USP13: variants seen among roughly 807,000 people sequenced by gnomAD.
USP13 encodes the protein ubiquitin specific peptidase 13, also known as ubiquitin carboxyl-terminal hydrolase 13.
In USP13, 68 loss-of-function variants were observed where a neutral mutation model predicts 107.8. The observed-to-expected ratio is 0.63, with a 90% CI of 0.52 to 0.77. The LOEUF is 0.77. Ranked by LOEUF, USP13 falls within the 30% of genes least tolerant of loss-of-function variation. USP13 has a pLI of 0.00. For missense variants in USP13, 945 were observed against 1,093.3 expected (o/e 0.86, Z 1.91); for synonymous variants, 377 against 389.5 (o/e 0.97, Z 0.38).
chr3:179,767,229 T>C (rs1715202098), intron 19 of USP13, among the ~76,000 whole-genome samples: 1 of 152,198 alleles, frequency 6.6e-6, no homozygotes, highest in African/African-American at 2.4e-5. Context: ...GTGCCATCTT[T>C]AATCCTCACA....
chr3:179,755,520 G>A (rs765724272), intron 15 of USP13, among the ~76,000 whole-genome samples: 1 of 152,080 alleles, frequency 6.6e-6, no homozygotes, highest in Non-Finnish European at 1.5e-5. Context: ...GGATGGTCTC[G>A]ATCTCCTGAC....
At chr3:179,713,193 T>G (rs1712990195) in intron 6 of USP13, among the ~76,000 whole-genome samples, 1 of 152,236 alleles carries the variant, frequency 6.6e-6, no homozygotes, top group African/African-American at 2.4e-5. Flanking sequence ...GCAACAGCAA[T>G]GCAGATCGTA....
At position 179,767,707 on chromosome 3, in the gene USP13, A is replaced by T. The variant is rs370222190; in HGVS notation, c.2413+1859A>T. 1.1e-4 allele frequency among the ~76,000 whole-genome samples: 17 copies of T among 152,318 alleles called. No individual in the cohort carries two copies. In the East Asian group the frequency reaches 3.3e-3, roughly 29 times the overall value. ...CCAGGGCAGAGGCCATTTGGCTTTT[A>T]TAAAACTCATGGTGTCTAGCATGGT... On this transcript the variant is annotated intron_variant, in intron 19 of 20. Coordinates refer to ENST00000263966, the MANE Select transcript of USP13 (RefSeq NM_003940.3).
At chr3:179,657,968 A>G (rs755019537) in intron 1 of USP13, among the ~76,000 whole-genome samples, 1 of 151,948 alleles carries the variant, frequency 6.6e-6, no homozygotes, top group African/African-American at 2.4e-5. Context: ...CCTCATTTCT[A>G]TGAGTGTACT....
At chr3:179,772,706 C>G (rs948187083) in intron 19 of USP13, among the ~76,000 whole-genome samples, 1 of 152,208 alleles carries the variant, frequency 6.6e-6, no homozygotes. Flanking sequence ...GGCAGCCACT[C>G]TTGAGTAAAC....
chr3:179,701,196 G>A (rs113745652), intron 4 of USP13, 67 bp downstream of exon 4: 17 of 612,458 alleles, frequency 2.8e-5, no homozygotes, highest in African/African-American at 2.3e-4. Context: ...GTGCGTGTGC[G>A]ATGTGTGTGT....
At chr3:179,663,507 T>C (rs1218773228) in intron 1 of USP13, among the ~76,000 whole-genome samples, 3 of 152,314 alleles carry the variant, frequency 2.0e-5, no homozygotes, top group Non-Finnish European at 4.4e-5. Context: ...TATATCCTCC[T>C]CTCTCCCTTG....
rs184715483 is a variant in USP13 at position 179,779,607 on chromosome 3, C to G, written c.2414-2132C>G. ...GCGCCCTCACACGTTCATGGGCAAC[C>G]TGGCACTAAACCGTTGGTAGATGAC... On this transcript the variant is annotated intron_variant, in intron 19 of 20. Transcript: ENST00000263966. 1.1e-3 allele frequency among the ~76,000 whole-genome samples: 163 copies of G among 151,926 alleles called. 1 individual carries two copies. Among genetic ancestry groups the G allele is most frequent in the African/African-American group, 3.7e-3 (155 of 41,438 alleles).
At chr3:179,680,430 G>A (rs1202441801) in intron 1 of USP13, among the ~76,000 whole-genome samples, 2 of 152,148 alleles carry the variant, frequency 1.3e-5, no homozygotes, top group East Asian at 1.9e-4. Flanking sequence ...TCTGAAAATC[G>A]GAAATCCAGA....
chr3:179,773,074 C>G (rs1229360249), intron 19 of USP13, among the ~76,000 whole-genome samples: 1 of 152,128 alleles, frequency 6.6e-6, no homozygotes, highest in Admixed American at 6.5e-5. Flanking sequence ...CCCTCCAAAT[C>G]TCATGTTGAT....
chr3:179,745,044 T>G lies in USP13; in HGVS notation c.1536T>G (p.Asp512Glu). Residue 512 changes from aspartate to glutamate, a missense_variant and splice_region_variant, in exon 13 of 21, where the codon GAT becomes GAG. Transcript: ENST00000263966. ...TCTTTGATTTGCTCTTTCACCCAGATGAACTGATCGCTTATGAACTAACGA... is the reference window on the plus strand; with the variant it reads ...TCTTTGATTTGCTCTTTCACCCAGAGGAACTGATCGCTTATGAACTAACGA... The part of the protein sequence containing the change: ...PVAMEAATNK[D>E]ELIAYELTRR... 6.2e-7 allele frequency: 1 copy of G among 1,614,182 alleles called. No homozygotes were observed. The highest frequency in any genetic ancestry group is 1.1e-5 in the South Asian group (1 of 91,084).
intron 8 of USP13, among the ~76,000 whole-genome samples, chr3:179,722,482 A>G (rs1713361086): frequency 6.6e-6 from 1 of 152,100 alleles, no homozygotes; most frequent in Non-Finnish European, 1.5e-5. Context: ...TTGGAATTGT[A>G]TTTTTTAACT....
At chr3:179,681,853 A>G in intron 1 of USP13, 25 bp from the exon 2 acceptor site, 1 of 1,607,182 alleles carries the variant, frequency 6.2e-7, no homozygotes, top group Non-Finnish European at 8.5e-7. Flanking sequence ...GTCGTCGGCT[A>G]ATGTACTTTT....
intron 6 of USP13, among the ~76,000 whole-genome samples, chr3:179,716,641 G>A (rs1187254014): frequency 6.6e-6 from 1 of 151,988 alleles, no homozygotes; most frequent in African/African-American, 2.4e-5. Flanking sequence ...TAATCTCTGG[G>A]AATTACTTAG....
Position 179,727,582 on chromosome 3 carries a change from G to T in USP13, c.1089-2607G>T, listed in dbSNP as rs1181406392. On this transcript the variant is annotated intron_variant, in intron 8 of 20. Coordinates refer to ENST00000263966, the MANE Select transcript of USP13 (RefSeq NM_003940.3). ...CGTCTACCTCTTTCTACACAGACAC[G>T]GCAACCATCCGATTTCTCAATCTTT... 7.9e-5 allele frequency among the ~76,000 whole-genome samples: 9 copies of T among 113,802 alleles called. 1 individual carries two copies. The allele number at this position is 113,802 out of a possible 152,430, so 74.7% of individuals were successfully genotyped here.
At chr3:179,730,790 G>A (rs988917357) in intron 10 of USP13, 81 bp downstream of exon 10, 3 of 1,322,488 alleles carry the variant, frequency 2.3e-6, no homozygotes, top group African/African-American at 2.9e-5. Flanking sequence ...TTTGGCACAT[G>A]GTGGCCATAA....
At chr3:179,656,782 G>A (rs1018938581) in intron 1 of USP13, among the ~76,000 whole-genome samples, 14 of 152,118 alleles carry the variant, frequency 9.2e-5, no homozygotes, top group African/African-American at 2.9e-4. Flanking sequence ...ACATGTTCAC[G>A]TGCTTGTCTC....
intron 3 of USP13, among the ~76,000 whole-genome samples, chr3:179,694,529 G>A (rs1445564779): frequency 2.0e-5 from 3 of 152,072 alleles, no homozygotes; most frequent in East Asian, 3.9e-4. Context: ...GAGGCCGGGC[G>A]CGGTGGCTCA....
chr3:179,753,760 A>G (rs776491724), intron 14 of USP13, among the ~76,000 whole-genome samples: 15 of 152,320 alleles, frequency 9.8e-5, no homozygotes, highest in Non-Finnish European at 1.8e-4. Flanking sequence ...TTTTGGGGAC[A>G]GTATTTTCAG....
Sources: allele counts gnomAD v4.1 joint callset (sites outside exome capture counted in the v4.1 genomes callset), GRCh38; gene constraint gnomAD v4.1.1; transcripts MANE v1.5; gene names NCBI Gene and HGNC (gene_info 2026-07-23, HGNC 2026-07-21).